The following RIMS1 variants were observed in gnomAD, a reference collection of about 807,000 sequenced individuals.
RIMS1 encodes the protein regulating synaptic membrane exocytosis 1.
A neutral mutation model predicts 214.1 loss-of-function variants in RIMS1; 83 were observed. The ratio of observed to expected loss-of-function variants is 0.39; its 90% CI spans 0.32 to 0.47. RIMS1 has a LOEUF of 0.47. Ranked by LOEUF, RIMS1 falls within the 20% of genes least tolerant of loss-of-function variation. The pLI is 0.99. For missense variants in RIMS1, 2,050 were observed against 2,161.8 expected (o/e 0.95, Z 1.03); for synonymous variants, 793 against 786.8 (o/e 1.01, Z -0.13).
intron 28 of RIMS1, among the ~76,000 whole-genome samples, chr6:72,327,986 A>T (rs536991131): frequency 6.6e-6 from 1 of 151,820 alleles, no homozygotes; most frequent in East Asian, 1.9e-4. Flanking sequence ...ATACCATTCT[A>T]CTATAAAGAC....
At chr6:72,194,274 G>C (rs543118513) in intron 6 of RIMS1, among the ~76,000 whole-genome samples, 1 of 151,608 alleles carries the variant, frequency 6.6e-6, no homozygotes, top group East Asian at 1.9e-4. Context: ...AATCTCAGGT[G>C]GGGGAAGATT....
At chr6:72,252,287 A>C (rs2073760467) in intron 15 of RIMS1, among the ~76,000 whole-genome samples, 1 of 152,130 alleles carries the variant, frequency 6.6e-6, no homozygotes, top group Non-Finnish European at 1.5e-5. Context: ...ATGAAGTATA[A>C]TGACTAATTT....
chr6:72,198,126 C>G (rs758317944), intron 6 of RIMS1, among the ~76,000 whole-genome samples: 11 of 152,048 alleles, frequency 7.2e-5, no homozygotes, highest in Non-Finnish European at 1.2e-4. Context: ...GAAAGGAAAT[C>G]AGAATATCAA....
intron 5 of RIMS1, among the ~76,000 whole-genome samples, chr6:72,181,696 G>C (rs908842955): frequency 2.0e-5 from 3 of 152,218 alleles, no homozygotes; most frequent in African/African-American, 7.2e-5. Context: ...GAGGTGGCCA[G>C]TGTAAAGAGC....
intron 15 of RIMS1, 72 bp from the exon 16 acceptor site, chr6:72,252,689 G>C (rs541311757): frequency 7.8e-7 from 1 of 1,281,820 alleles, no homozygotes; most frequent in Non-Finnish European, 1.1e-6. Context: ...TTTAAAAAAA[G>C]TTTGACAGTG....
intron 30 of RIMS1, among the ~76,000 whole-genome samples, 161 bp from the exon 31 acceptor site, chr6:72,392,535 CAT>C (rs2098717247): frequency 6.6e-6 from 1 of 152,176 alleles, no homozygotes; most frequent in Middle Eastern, 3.4e-3. Flanking sequence ...TGTTAAGCCT[CAT>C]ATGCTTGGCT....
rs527355862 is a variant in RIMS1, at chr6:72,106,384, T to C, written c.471+6398T>C. On this transcript the variant is annotated intron_variant, in intron 4 of 33. Coordinates refer to ENST00000521978, the MANE Select transcript of RIMS1 (RefSeq NM_014989.7). ...TAAATCTTTCAGGGAGAAAATAATA[T>C]GCCTTGTGACTCTTCAACTACTTCT... 5.7e-4 allele frequency among the ~76,000 whole-genome samples: 87 copies of C among 152,332 alleles called. 1 individual carries two copies. Among genetic ancestry groups the C allele is most frequent in the Middle Eastern group, 6.8e-3 (2 of 294 alleles).
At chr6:72,274,278 T>C (rs2084964932) in intron 22 of RIMS1, 71 bp from the exon 23 acceptor site, 2 of 1,067,542 alleles carry the variant, frequency 1.9e-6, no homozygotes, top group Admixed American at 1.9e-5. Flanking sequence ...GTCCTCTTGT[T>C]CCATGTATTC....
chr6:72,012,247 G>A (rs966569519), intron 2 of RIMS1, among the ~76,000 whole-genome samples: 5 of 151,944 alleles, frequency 3.3e-5, no homozygotes, highest in African/African-American at 7.3e-5. Flanking sequence ...ACCAAACACC[G>A]CATGTTGTCA....
chr6:71,988,761 A>T (rs1175257624), intron 2 of RIMS1, among the ~76,000 whole-genome samples: 3 of 152,230 alleles, frequency 2.0e-5, no homozygotes, highest in Admixed American at 2.0e-4. Flanking sequence ...ACTGTAATAC[A>T]GAGTAACTGT....
At chr6:72,032,219 C>A (rs1818326076) in intron 2 of RIMS1, among the ~76,000 whole-genome samples, 1 of 151,814 alleles carries the variant, frequency 6.6e-6, no homozygotes, top group Admixed American at 6.6e-5. Flanking sequence ...GCCTTAGAAA[C>A]AATGAATCAC....
chr6:71,932,368 G>A (rs1746201452), intron 1 of RIMS1, among the ~76,000 whole-genome samples: 1 of 151,984 alleles, frequency 6.6e-6, no homozygotes, highest in South Asian at 2.1e-4. Flanking sequence ...GCATACTAAG[G>A]CATGAACAGA....
chr6:72,235,988 T>C (rs974577574), intron 8 of RIMS1, among the ~76,000 whole-genome samples: 1 of 152,116 alleles, frequency 6.6e-6, no homozygotes, highest in African/African-American at 2.4e-5. Flanking sequence ...TGTTGTAACT[T>C]AAGCAGCAAC....
At chr6:72,155,988 G>A in intron 4 of RIMS1, 1 of 257,088 alleles carries the variant, frequency 3.9e-6, no homozygotes, top group East Asian at 1.1e-4. Context: ...TGAGGATATG[G>A]AGAAAAAAAT....
At chr6:71,992,416 T>TTC (rs1335148511) in intron 2 of RIMS1, among the ~76,000 whole-genome samples, 22 of 73,112 alleles carry the variant, frequency 3.0e-4, no homozygotes, top group Admixed American at 1.1e-3. Context: ...CTTTCTTTCT[T>TTC]TCTTTCTTTC....
intron 6 of RIMS1, among the ~76,000 whole-genome samples, chr6:72,222,321 T>C (rs2058719689): frequency 6.6e-6 from 1 of 152,086 alleles, no homozygotes; most frequent in South Asian, 2.1e-4. Flanking sequence ...AAGACATTGA[T>C]TTAAGAATCT....
intron 6 of RIMS1, among the ~76,000 whole-genome samples, chr6:72,227,474 G>T (rs966969806): frequency 6.6e-6 from 1 of 151,856 alleles, no homozygotes; most frequent in Admixed American, 6.6e-5. Flanking sequence ...GATTCAGCCA[G>T]AAATTTTGAT....
chr6:72,093,099 T>G (rs1836731044), intron 2 of RIMS1, among the ~76,000 whole-genome samples: 1 of 151,808 alleles, frequency 6.6e-6, no homozygotes, highest in African/African-American at 2.4e-5. Flanking sequence ...AAAAATAAAC[T>G]ACATCATGTA....
In RIMS1 at chr6:72,312,700, C is replaced by T. The variant is rs1274324190; in HGVS notation, c.3964-806C>T. 2.0e-5 allele frequency among the ~76,000 whole-genome samples: 3 copies of T among 152,044 alleles called. No individual in the cohort carries two copies. The East Asian group carries it at 5.8e-4, about 29-fold the overall frequency. On this transcript the variant is annotated intron_variant, in intron 27 of 33. Coordinates refer to ENST00000521978, the MANE Select transcript of RIMS1 (RefSeq NM_014989.7). ...TAAATCTGAAACTGTCTAATGAAGC[C>T]ATAGTAGAAAGCTAAAGACCAGTCA...
Sources: gnomAD v4.1 joint callset for allele counts (sites outside exome capture counted in the v4.1 genomes callset) on GRCh38, gnomAD v4.1.1 for gene constraint, MANE v1.5 for transcripts, NCBI Gene and HGNC (gene_info 2026-07-23, HGNC 2026-07-21) for gene names.